The following IVNS1ABP variants were observed in gnomAD, a reference collection of about 807,000 sequenced individuals.
IVNS1ABP encodes influenza virus NS1A binding protein, also known as influenza virus NS1A-binding protein.
IVNS1ABP carries 25 observed loss-of-function variants against 78.9 expected under a neutral mutation model. That is an observed-to-expected ratio of 0.32 (90% CI 0.23 to 0.44). The LOEUF (loss-of-function observed/expected upper bound fraction) is 0.44. Ranked by LOEUF, IVNS1ABP falls within the 20% of genes least tolerant of loss-of-function variation. The probability of loss-of-function intolerance (pLI) is 1.00; values close to 1 mark genes in which losing one functional copy is unlikely to be tolerated. For synonymous variants in IVNS1ABP, 241 were observed against 259.7 expected (o/e 0.93, Z 0.69); for missense variants, 494 against 768.9 (o/e 0.64, Z 4.23).
intron 1 of IVNS1ABP, among the ~76,000 whole-genome samples, chr1:185,312,772 C>A (rs1456372962): frequency 1.3e-5 from 2 of 152,180 alleles, no homozygotes; most frequent in African/African-American, 4.8e-5. Context: ...ATAATTCTTT[C>A]TACACAGAGA....
intron 8 of IVNS1ABP, among the ~76,000 whole-genome samples, chr1:185,304,475 A>G (rs2102816823): frequency 6.6e-6 from 1 of 152,286 alleles, no homozygotes; most frequent in South Asian, 2.1e-4. Flanking sequence ...TGAGAGAGCT[A>G]ACACCTGATA....
chr1:185,309,592 T>C, intron 2 of IVNS1ABP, 81 bp from the exon 3 acceptor site: 2 of 717,778 alleles, frequency 2.8e-6, no homozygotes, highest in Non-Finnish European at 4.8e-6. Flanking sequence ...TAATACAGTC[T>C]CTTTATTCTC....
intron 14 of IVNS1ABP, 79 bp downstream of exon 14, chr1:185,299,631 C>T: frequency 7.7e-7 from 1 of 1,302,436 alleles, no homozygotes; most frequent in Non-Finnish European, 1.1e-6. Context: ...CAACTATAGT[C>T]ATTGGCCTTT....
intron 1 of IVNS1ABP, among the ~76,000 whole-genome samples, chr1:185,316,509 GGCAAAC>G: frequency 6.6e-6 from 1 of 152,180 alleles, no homozygotes; most frequent in Admixed American, 6.5e-5. Context: ...CCAAACCCCA[GGCAAAC>G]CCGAGGCGAG....
Position 185,300,570 on chromosome 1 carries a change from T to C in IVNS1ABP, c.1121-12A>G. The C allele has an allele frequency of 6.2e-7, 1 of 1,611,398 alleles. No individual in the cohort carries two copies. Among genetic ancestry groups the C allele is most frequent in the Non-Finnish European group, 8.5e-7 (1 of 1,178,498 alleles). On this transcript the variant is annotated splice_polypyrimidine_tract_variant and intron_variant, in intron 10 of 14. Transcript: ENST00000367498. Reference sequence around the variant, plus strand: ...TCTGTTATAGCCACCTGGTAAAAAATAAAACCATAAAGATTTATGTTTAAA... The same window carrying C: ...TCTGTTATAGCCACCTGGTAAAAAACAAAACCATAAAGATTTATGTTTAAA...
rs956077558 is a variant in IVNS1ABP at position 185,303,548 on chromosome 1, T to C, written c.766-1985A>G. ...GTCACACATGTCAGAATCCCACTTA[T>C]TCTCAAATTCTTTCTTTTCCCTAAT... is the stretch of plus-strand genomic sequence containing the variant. On this transcript the variant is annotated intron_variant, in intron 8 of 14. Transcript: ENST00000367498. 2.6e-5 allele frequency among the ~76,000 whole-genome samples: 4 copies of C among 152,096 alleles called. No individual in the cohort carries two copies. The South Asian group carries it at 8.3e-4, about 31-fold the overall frequency.
chr1:185,300,818 TGAACTGAAGGTTA>T (rs1004785600), intron 10 of IVNS1ABP, 141 bp downstream of exon 10: 1 of 693,184 alleles, frequency 1.4e-6, no homozygotes. Context: ...ATACAGACAT[TGAACTGAAGGTTA>T]GCCATATTCA....
chr1:185,315,393 A>G, intron 1 of IVNS1ABP, among the ~76,000 whole-genome samples: 1 of 152,242 alleles, frequency 6.6e-6, no homozygotes, highest in South Asian at 2.1e-4. Flanking sequence ...GGGGAAAGTT[A>G]GAAAATCAAC....
At chr1:185,303,467 CAT>C (rs1478632767) in intron 8 of IVNS1ABP, among the ~76,000 whole-genome samples, 3 of 152,000 alleles carry the variant, frequency 2.0e-5, no homozygotes, top group Non-Finnish European at 2.9e-5. Context: ...TGAAGTCTAA[CAT>C]GTGTCCCTCG....
At chr1:185,307,438 C>A in intron 6 of IVNS1ABP, 51 bp downstream of exon 6, 1 of 1,378,606 alleles carries the variant, frequency 7.3e-7, no homozygotes, top group South Asian at 1.3e-5. Context: ...GACCAAGATT[C>A]CACGCCTGGA....
In IVNS1ABP at chr1:185,296,687, G is replaced by A. The variant is rs1201777851; in HGVS notation, c.*1348C>T. Reference sequence around the variant, plus strand: ...AGTTAGCCACTGAATAGTCATCTCAGAATAGTCACCTCATCCCAGTTGGCC... The same window carrying A: ...AGTTAGCCACTGAATAGTCATCTCAAAATAGTCACCTCATCCCAGTTGGCC... On this transcript the variant is annotated 3_prime_UTR_variant, in exon 15 of 15. Transcript: ENST00000367498. The A allele has an allele frequency of 6.6e-6, 1 of 152,024 alleles. No individual in the cohort carries two copies. The highest frequency in any genetic ancestry group is 1.9e-4 in the East Asian group (1 of 5,182). The allele number at this position is 152,024 out of a possible 1,614,324, so 9.4% of individuals were successfully genotyped here. A position where few individuals can be genotyped will look rare whatever the true frequency, so the allele number is the denominator to read the frequency against.
Position 185,305,575 on chromosome 1 carries a change from C to T in IVNS1ABP, c.726G>A (p.Glu242=). 1.2e-6 allele frequency: 2 copies of T among 1,613,312 alleles called. No homozygotes were observed. Among genetic ancestry groups the T allele is most frequent in the South Asian group, 2.2e-5 (2 of 91,066 alleles). The change falls in exon 8 of 15, where the codon GAG becomes GAA. Residue 242 remains glutamate (E), a synonymous_variant. Coordinates refer to ENST00000367498, the MANE Select transcript of IVNS1ABP (RefSeq NM_006469.5). This position sits in a 1 kb window ranked among gnomAD's most constrained non-coding sequence, Gnocchi z 4.0. Reference sequence around the variant, plus strand: ...TGTGGTCATCATCACTGCCAAACACCTCAGCCTGTCCATCTAGTAGGTTCC... The same window carrying T: ...TGTGGTCATCATCACTGCCAAACACTTCAGCCTGTCCATCTAGTAGGTTCC... ...LDGNLLDGQA[E]VFGSDDDHIQ...
At position 185,298,458 on chromosome 1, in the gene IVNS1ABP, C is replaced by T. The variant is rs1665480916; in HGVS notation, c.1676-170G>A. 6.3e-6 allele frequency: 4 copies of T among 634,844 alleles called. No homozygotes were observed. Among genetic ancestry groups the T allele is most frequent in the Non-Finnish European group, 1.0e-5 (4 of 382,168 alleles). 39.3% of individuals were successfully genotyped at this position (634,844 alleles called of 1,614,324 possible). A position where few individuals can be genotyped will look rare whatever the true frequency, so the allele number is the denominator to read the frequency against. ...TAATATGACAAATACTCTCTAAGAG[C>T]TGGGAATCAAATCAATAAAAAAACC... On this transcript the variant is annotated intron_variant, in intron 14 of 14. Transcript: ENST00000367498. This position sits in a 1 kb window ranked among gnomAD's most constrained non-coding sequence, Gnocchi z 4.1.
intron 5 of IVNS1ABP, chr1:185,308,001 C>T (rs1479090316): frequency 3.9e-6 from 6 of 1,549,680 alleles, no homozygotes; most frequent in Non-Finnish European, 5.2e-6. Flanking sequence ...TGAATGCAGA[C>T]AGAAGTAGAG....
At chr1:185,307,368 G>T in intron 6 of IVNS1ABP, 121 bp downstream of exon 6, 1 of 923,674 alleles carries the variant, frequency 1.1e-6, no homozygotes, top group Non-Finnish European at 1.6e-6. Context: ...ACGCTGCTAA[G>T]AATAACAATA....
rs1385288738 is a variant in IVNS1ABP, at chr1:185,305,381, C to T, written c.765+155G>A. The stretch of plus-strand genomic sequence containing the variant: ...TCTTTTCATGTGGCAAAAATACTAA[C>T]TCTAAGATATGCTTGTTTTCTCCCA... On this transcript the variant is annotated intron_variant, in intron 8 of 14. Coordinates refer to ENST00000367498, the MANE Select transcript of IVNS1ABP (RefSeq NM_006469.5). This position sits in a 1 kb window ranked among gnomAD's most constrained non-coding sequence, Gnocchi z 4.0. 1 of 324,284 alleles carries T rather than the reference C, an allele frequency of 3.1e-6. No homozygotes were observed. Among genetic ancestry groups the T allele is most frequent in the East Asian group, 1.7e-4 (1 of 5,834 alleles). The allele number at this position is 324,284 out of a possible 1,614,324, so 20.1% of individuals were successfully genotyped here.
At chr1:185,314,671 T>C (rs563719808) in intron 1 of IVNS1ABP, among the ~76,000 whole-genome samples, 5 of 152,178 alleles carry the variant, frequency 3.3e-5, no homozygotes, top group Non-Finnish European at 5.9e-5. Flanking sequence ...GAGTAAAGCA[T>C]GGAAACAGGG....
chr1:185,310,141 A>G (rs987600700), intron 2 of IVNS1ABP, among the ~76,000 whole-genome samples: 9 of 152,226 alleles, frequency 5.9e-5, no homozygotes, highest in African/African-American at 2.2e-4. Flanking sequence ...AAATGTTTTG[A>G]AACATATACA....
At chr1:185,299,051 C>T (rs1665498173) in intron 14 of IVNS1ABP, 1 of 152,294 alleles carries the variant, frequency 6.6e-6, no homozygotes, top group African/African-American at 2.4e-5. Flanking sequence ...ATTTGACCAT[C>T]ACTTAACCAG....
Sources: gnomAD v4.1 joint callset for allele counts (sites outside exome capture counted in the v4.1 genomes callset) on GRCh38, gnomAD v4.1.1 for gene constraint, Gnocchi (gnomAD v3.1) non-coding constraint, MANE v1.5 for transcripts, NCBI Gene and HGNC (gene_info 2026-07-23, HGNC 2026-07-21) for gene names.